The following RNFT2 variants were observed in gnomAD, a reference collection of about 807,000 sequenced individuals.
RNFT2 encodes ring finger protein, transmembrane 2, also known as E3 ubiquitin-protein ligase RNFT2.
A neutral mutation model predicts 53.0 loss-of-function variants in RNFT2; 36 were observed. The ratio of observed to expected loss-of-function variants is 0.68; its 90% CI spans 0.52 to 0.90. The LOEUF (loss-of-function observed/expected upper bound fraction) is 0.90. RNFT2 is among the 40% of genes least tolerant of loss of function. The pLI is 0.00. For missense variants in RNFT2, 514 were observed against 585.6 expected (o/e 0.88, Z 1.26); for synonymous variants, 260 against 253.2 (o/e 1.03, Z -0.26).
At chr12:116,759,284 C>T (rs543676546) in intron 5 of RNFT2, among the ~76,000 whole-genome samples, 15 of 152,270 alleles carry the variant, frequency 9.9e-5, no homozygotes, top group African/African-American at 1.4e-4. Flanking sequence ...TTTTGGAATT[C>T]GTTGCACTGG....
intron 7 of RNFT2, among the ~76,000 whole-genome samples, chr12:116,828,926 T>A (rs1228573417): frequency 2.0e-5 from 3 of 151,076 alleles, no homozygotes; most frequent in Non-Finnish European, 4.4e-5. Flanking sequence ...GGCAGGAGGA[T>A]CACTTGAGCC....
In RNFT2 at chr12:116,779,252, T is replaced by A. The variant is rs574377628; in HGVS notation, c.786T>A (p.Ile262=). The A allele has an allele frequency of 6.2e-7, 1 of 1,613,938 alleles. No individual in the cohort carries two copies. The highest frequency in any genetic ancestry group is 1.7e-5 in the Admixed American group (1 of 60,018). The change falls in exon 7 of 11, where the codon ATT becomes ATA. Residue 262 remains isoleucine (I), a synonymous_variant. Transcript: ENST00000257575. ...TGGACTTCTTTGACCTGCTATGGAT[T>A]GTGGGGATCGCAGACTTTGTTCTGA... The part of the protein sequence containing the change: ...EMLDFFDLLW[I]VGIADFVLKY...
intron 4 of RNFT2, among the ~76,000 whole-genome samples, chr12:116,751,011 G>C (rs1872227799): frequency 6.7e-6 from 1 of 149,066 alleles, no homozygotes; most frequent in Non-Finnish European, 1.5e-5. Flanking sequence ...TTGCCTCCCA[G>C]GTTGGTTATC....
intron 7 of RNFT2, 149 bp from the exon 8 acceptor site, chr12:116,833,643 A>C (rs966198539): frequency 2.6e-6 from 2 of 758,270 alleles, no homozygotes; most frequent in Admixed American, 5.7e-5. Context: ...TCGCAGCCCC[A>C]TTAGGAGCTG....
intron 7 of RNFT2, among the ~76,000 whole-genome samples, chr12:116,788,655 T>C (rs571793570): frequency 6.6e-6 from 1 of 152,140 alleles, no homozygotes; most frequent in Non-Finnish European, 1.5e-5. Context: ...GCATCCAGTT[T>C]GTTTGTTGAT....
At chr12:116,769,721 AG>A (rs1566075794) in intron 6 of RNFT2, among the ~76,000 whole-genome samples, 2 of 152,332 alleles carry the variant, frequency 1.3e-5, no homozygotes, top group South Asian at 4.1e-4. Context: ...TTATGATTGA[AG>A]AAATAAACAT....
chr12:116,798,219 CTG>C (rs1874599848), intron 7 of RNFT2, among the ~76,000 whole-genome samples: 1 of 145,936 alleles, frequency 6.9e-6, no homozygotes, highest in South Asian at 2.1e-4. Flanking sequence ...GAACGAGACT[CTG>C]TCTCAAAAAA....
At chr12:116,794,808 C>T (rs1874428457) in intron 7 of RNFT2, among the ~76,000 whole-genome samples, 1 of 152,008 alleles carries the variant, frequency 6.6e-6, no homozygotes, top group South Asian at 2.1e-4. Context: ...TTTCCCACCG[C>T]ATGGAGTTCG....
intron 10 of RNFT2, among the ~76,000 whole-genome samples, chr12:116,846,384 A>C (rs897300017): frequency 2.1e-5 from 3 of 145,610 alleles, no homozygotes; most frequent in Non-Finnish European, 4.5e-5. Flanking sequence ...CAATCCTCCC[A>C]CCACTTCAGC....
intron 7 of RNFT2, among the ~76,000 whole-genome samples, chr12:116,795,948 A>G (rs973608783): frequency 1.3e-5 from 2 of 151,284 alleles, no homozygotes; most frequent in African/African-American, 2.4e-5. Context: ...TCACTCTGTC[A>G]CCCAGGCTGG....
At chr12:116,816,447 C>T (rs117172750) in intron 7 of RNFT2, among the ~76,000 whole-genome samples, 2,928 of 152,250 alleles carry the variant, frequency 0.019, 52 homozygotes, top group Middle Eastern at 0.034. Context: ...GAGGCGATCG[C>T]GGCCTCCTCC....
chr12:116,835,381 T>G (rs1232390464), intron 8 of RNFT2, among the ~76,000 whole-genome samples: 1 of 152,232 alleles, frequency 6.6e-6, no homozygotes, highest in Non-Finnish European at 1.5e-5. Flanking sequence ...CAAATTAGTA[T>G]GTAGTGCTTT....
intron 7 of RNFT2, among the ~76,000 whole-genome samples, chr12:116,803,484 A>G (rs1449141766): frequency 2.0e-5 from 3 of 152,146 alleles, no homozygotes; most frequent in Non-Finnish European, 4.4e-5. Context: ...TTCCTTTTAG[A>G]GAAATAAAAG....
intron 7 of RNFT2, among the ~76,000 whole-genome samples, chr12:116,806,750 A>C (rs1288501642): frequency 6.6e-6 from 1 of 151,736 alleles, no homozygotes; most frequent in Non-Finnish European, 1.5e-5. Context: ...TCTCTCAAAA[A>C]AAAAAAAAAA....
chr12:116,739,255 T>A (rs146807397), intron 1 of RNFT2, among the ~76,000 whole-genome samples: 1 of 152,200 alleles, frequency 6.6e-6, no homozygotes, highest in Non-Finnish European at 1.5e-5. Flanking sequence ...TGGCCCTTAT[T>A]ACCTTGCTAG....
intron 7 of RNFT2, among the ~76,000 whole-genome samples, chr12:116,820,624 T>C (rs1004422894): frequency 1.3e-5 from 2 of 151,992 alleles, no homozygotes; most frequent in African/African-American, 2.4e-5. Context: ...TCTTTCTCTT[T>C]CTCCCACATC....
intron 5 of RNFT2, among the ~76,000 whole-genome samples, chr12:116,757,182 C>G (rs1566071840): frequency 6.6e-6 from 1 of 152,060 alleles, no homozygotes; most frequent in Non-Finnish European, 1.5e-5. Flanking sequence ...TCTCCTGTTT[C>G]GTTTCTTAGT....
intron 7 of RNFT2, among the ~76,000 whole-genome samples, chr12:116,801,778 GGTTT>G (rs1874802854): frequency 1.3e-5 from 2 of 151,610 alleles, no homozygotes; most frequent in African/African-American, 4.9e-5. Flanking sequence ...GCATTTTATT[GGTTT>G]GTTTGTTTTC....
intron 8 of RNFT2, among the ~76,000 whole-genome samples, chr12:116,834,848 T>C (rs1300720021): frequency 1.4e-5 from 2 of 146,862 alleles, no homozygotes; most frequent in African/African-American, 2.6e-5. Context: ...CTATTATTAC[T>C]CCTTTTTTTT....
Sources: allele counts gnomAD v4.1 joint callset (sites outside exome capture counted in the v4.1 genomes callset), GRCh38; gene constraint gnomAD v4.1.1; transcripts MANE v1.5; gene names NCBI Gene and HGNC (gene_info 2026-07-23, HGNC 2026-07-21).